Variants in KLF12 observed in about 807,000 individuals in gnomAD.
KLF12 encodes KLF transcription factor 12.
Under a neutral mutation model 37.8 loss-of-function variants are expected in KLF12, and 9 were observed. The ratio of observed to expected loss-of-function variants is 0.24; its 90% CI spans 0.14 to 0.42. The LOEUF (loss-of-function observed/expected upper bound fraction) is 0.42. KLF12 is among the 10% of genes least tolerant of loss of function. The pLI, the probability that KLF12 is intolerant of heterozygous loss-of-function variation, is 1.00. For synonymous variants in KLF12, 208 were observed against 202.1 expected (o/e 1.03, Z -0.25); for missense variants, 411 against 516.0 (o/e 0.80, Z 1.97).
At chr13:73,713,897 T>C (rs1875597363) in intron 7 of KLF12, among the ~76,000 whole-genome samples, 1 of 152,224 alleles carries the variant, frequency 6.6e-6, no homozygotes, top group South Asian at 2.1e-4. Context: ...TGATGATTCA[T>C]TGTAGAAAGT....
chr13:73,739,147 T>C (rs1382164563), intron 6 of KLF12, among the ~76,000 whole-genome samples: 1 of 151,710 alleles, frequency 6.6e-6, no homozygotes, highest in Admixed American at 6.6e-5. Flanking sequence ...GGCAGGAGAA[T>C]TGCTTGAACC....
chr13:74,012,130 T>C (rs1287104435), intron 1 of KLF12, among the ~76,000 whole-genome samples: 3 of 152,258 alleles, frequency 2.0e-5, no homozygotes, highest in East Asian at 3.8e-4. Flanking sequence ...ACTGTTAATT[T>C]AGCACAATCT....
At chr13:74,166,060 C>T in the KLF12 span, among the ~76,000 whole-genome samples, 1 of 148,440 alleles carries the variant, frequency 6.7e-6, no homozygotes, top group African/African-American at 2.5e-5. Context: ...ATCGATTGCA[C>T]AGGATTTTGA....
intron 1 of KLF12, among the ~76,000 whole-genome samples, chr13:74,108,877 A>G (rs1003129268): frequency 6.6e-6 from 1 of 152,198 alleles, no homozygotes; most frequent in African/African-American, 2.4e-5. Flanking sequence ...AAGGTAGCAT[A>G]GGTGGAAGAA....
the KLF12 span, among the ~76,000 whole-genome samples, chr13:74,208,502 T>A: frequency 6.6e-6 from 1 of 152,198 alleles, no homozygotes; most frequent in Non-Finnish European, 1.5e-5. Flanking sequence ...TTTTTGGAAA[T>A]GATATTATAA....
chr13:74,266,475 T>C, the KLF12 span, among the ~76,000 whole-genome samples: 1 of 152,042 alleles, frequency 6.6e-6, no homozygotes, highest in East Asian at 1.9e-4. Context: ...CGTGCACATA[T>C]ACACACACAC....
chr13:74,176,623 T>C, the KLF12 span, among the ~76,000 whole-genome samples: 1 of 152,208 alleles, frequency 6.6e-6, no homozygotes, highest in African/African-American at 2.4e-5. Context: ...TTATATCCAC[T>C]GCACTGATTT....
the KLF12 span, among the ~76,000 whole-genome samples, chr13:74,179,040 T>C: frequency 6.6e-6 from 1 of 152,244 alleles, no homozygotes; most frequent in Admixed American, 6.5e-5. Flanking sequence ...TTGTGTCTAC[T>C]ATGTCCATGT....
chr13:73,823,609 A>G (rs1335839476), intron 4 of KLF12, among the ~76,000 whole-genome samples: 4 of 152,240 alleles, frequency 2.6e-5, no homozygotes, highest in Non-Finnish European at 5.9e-5. Context: ...GATATGGTCT[A>G]AGACTATCAA....
chr13:74,216,172 T>G, the KLF12 span, among the ~76,000 whole-genome samples: 4 of 152,224 alleles, frequency 2.6e-5, no homozygotes, highest in Non-Finnish European at 5.9e-5. Context: ...CTCCCATATT[T>G]GAAATCACGT....
chr13:73,701,183 C>A (rs541466914), intron 7 of KLF12, among the ~76,000 whole-genome samples: 1 of 152,240 alleles, frequency 6.6e-6, no homozygotes, highest in African/African-American at 2.4e-5. Flanking sequence ...TGGAGTCAGA[C>A]CCCTCCCAGG....
chr13:73,814,728 CAG>C (rs1883124617), intron 4 of KLF12, among the ~76,000 whole-genome samples: 2 of 151,784 alleles, frequency 1.3e-5, no homozygotes, highest in South Asian at 4.2e-4. Context: ...TGGCAACATC[CAG>C]AGACATTACT....
At chr13:73,989,808 A>G (rs745760771) in intron 2 of KLF12, among the ~76,000 whole-genome samples, 4 of 152,180 alleles carry the variant, frequency 2.6e-5, no homozygotes, top group Non-Finnish European at 5.9e-5. Context: ...TGTAAGCAAG[A>G]GGCCAATGAA....
the KLF12 span, among the ~76,000 whole-genome samples, chr13:74,185,069 C>A: frequency 6.6e-6 from 1 of 152,146 alleles, no homozygotes; most frequent in African/African-American, 2.4e-5. Flanking sequence ...GCCCTACTCC[C>A]TGGGAACTTA....
chr13:73,810,037 G>A (rs1882843734), intron 5 of KLF12, among the ~76,000 whole-genome samples: 2 of 152,160 alleles, frequency 1.3e-5, no homozygotes, highest in African/African-American at 4.8e-5. Flanking sequence ...CTTAAGGTGA[G>A]GAGTTCGAGA....
At chr13:74,112,815 G>A (rs780506204) in intron 1 of KLF12, among the ~76,000 whole-genome samples, 1 of 152,172 alleles carries the variant, frequency 6.6e-6, no homozygotes, top group African/African-American at 2.4e-5. Context: ...ATCAACACTA[G>A]AAATGAGTAA....
intron 1 of KLF12, among the ~76,000 whole-genome samples, chr13:74,032,351 T>C (rs1893136442): frequency 6.6e-6 from 1 of 152,174 alleles, no homozygotes; most frequent in African/African-American, 2.4e-5. Context: ...GATACATTTA[T>C]GTAGCCGCAT....
rs192736274 is a variant in KLF12, at chr13:74,003,467, G to A, written c.-31-8414C>T. Among the ~76,000 whole-genome samples the A allele has an allele frequency of 4.0e-3, 606 of 152,258 alleles. 3 individuals carry two copies. Among genetic ancestry groups the A allele is most frequent in the African/African-American group, 0.014 (579 of 41,562 alleles). ...AAGAAGCCTGTTGATATGAAAGGGG[G>A]ATTCATTTCAAGGAAATAATAAAAG... On this transcript the variant is annotated intron_variant, in intron 1 of 7. Transcript: ENST00000377669.
chr13:74,283,858 CT>C, the KLF12 span, among the ~76,000 whole-genome samples: 971 of 143,518 alleles, frequency 6.8e-3, 13 homozygotes, highest in African/African-American at 0.023. Context: ...ATGTATAAAT[CT>C]TTTTTTTTTT....
Sources: allele counts gnomAD v4.1 joint callset (sites outside exome capture counted in the v4.1 genomes callset), GRCh38; gene constraint gnomAD v4.1.1; transcripts MANE v1.5; gene names NCBI Gene and HGNC (gene_info 2026-07-23, HGNC 2026-07-21).